GNE: variants seen among roughly 807,000 people sequenced by gnomAD.
GNE encodes bifunctional UDP-N-acetylglucosamine 2-epimerase/N-acetylmannosamine kinase.
A neutral mutation model predicts 61.8 loss-of-function variants in GNE; 41 were observed. The ratio of observed to expected loss-of-function variants is 0.66; its 90% CI spans 0.52 to 0.86. The LOEUF is 0.86. GNE is among the 40% of genes least tolerant of loss of function. The probability of loss-of-function intolerance (pLI) is 0.00; values close to 1 mark genes in which losing one functional copy is unlikely to be tolerated. For synonymous variants in GNE, 264 were observed against 326.4 expected (o/e 0.81, Z 2.06); for missense variants, 608 against 909.1 (o/e 0.67, Z 4.26).
chr9:36,243,773 A>G (rs1223786966), intron 3 of GNE, among the ~76,000 whole-genome samples: 1 of 152,116 alleles, frequency 6.6e-6, no homozygotes, highest in African/African-American at 2.4e-5. Flanking sequence ...TGAGCCCAGG[A>G]GGACAAGACT....
At chr9:36,252,255 G>A (rs756085018) in intron 1 of GNE, among the ~76,000 whole-genome samples, 3 of 152,124 alleles carry the variant, frequency 2.0e-5, no homozygotes, top group Non-Finnish European at 2.9e-5. Context: ...AAAGTGCTGG[G>A]ATTACAGGCA....
chr9:36,245,962 G>A (rs1587338779), intron 3 of GNE, 69 bp downstream of exon 3: 1 of 1,237,716 alleles, frequency 8.1e-7, no homozygotes, highest in East Asian at 2.3e-5. Context: ...GTTTCCAAAA[G>A]GATTGAAATA....
rs752336499 is a variant in GNE, at chr9:36,221,424, C to T, written c.1633+1353G>A. ...TATCTGTATCAGATGCTGGCTTAAC[C>T]GCTTATTAGCTAAGTCTGTTTCCTC... is the stretch of plus-strand genomic sequence containing the variant. On this transcript the variant is annotated intron_variant, in intron 9 of 11. Transcript: ENST00000642385. 8.5e-5 allele frequency among the ~76,000 whole-genome samples: 13 copies of T among 152,082 alleles called. 1 individual carries two copies. The highest frequency in any genetic ancestry group is 1.7e-4 in the African/African-American group (7 of 41,386).
chr9:36,260,701 C>T (rs544656983), upstream of GNE, among the ~76,000 whole-genome samples: 136 of 151,840 alleles, frequency 9.0e-4, no homozygotes, highest in African/African-American at 3.0e-3. Context: ...AACCCCATCT[C>T]TACTAAAAAT....
In GNE at chr9:36,273,178, C is replaced by T. The variant is rs74466937; in HGVS notation, c.51+3716G>A. On this transcript the variant is annotated intron_variant, in intron 1 of 11. Transcript: ENST00000396594. ...GATTGAGGATCTGGAGGAAGATATA[C>T]ATTGGAGACACAAATTTGTGCTAGA... is the stretch of plus-strand genomic sequence containing the variant. Among the ~76,000 whole-genome samples the T allele has an allele frequency of 1.6e-4, 24 of 151,646 alleles. No individual in the cohort carries two copies. The East Asian group carries it at 3.7e-3, about 23-fold the overall frequency.
chr9:36,217,620 A>C lies in GNE; in HGVS notation c.1934-20T>G, dbSNP rs1190691056. 3 of 1,524,438 alleles carry C rather than the reference A, an allele frequency of 2.0e-6. No individual in the cohort carries two copies. Among genetic ancestry groups the C allele is most frequent in the Non-Finnish European group, 2.7e-6 (3 of 1,099,726 alleles). 94.4% of individuals were successfully genotyped at this position (1,524,438 alleles called of 1,614,324 possible). ...TTCCAGCTATAGGGAGACAAAAATT[A>C]AAATGAGTTTCTGAGAGAAGCCAAA... On this transcript the variant is annotated intron_variant, in intron 11 of 11. Transcript: ENST00000642385.
intron 5 of GNE, 28 bp downstream of exon 5, chr9:36,233,890 GTC>G (rs1171873212): frequency 6.6e-7 from 1 of 1,506,230 alleles, no homozygotes; most frequent in Non-Finnish European, 9.2e-7. Context: ...ATAAAGCCTA[GTC>G]AGTTGAAGTA....
upstream of GNE, chr9:36,263,327 C>T (rs549162077): frequency 3.5e-5 from 8 of 226,588 alleles, no homozygotes; most frequent in East Asian, 1.6e-4. Context: ...TGTGTCACCG[C>T]GCCCGGCTAA....
At position 36,218,334 on chromosome 9, in the gene GNE, G is replaced by T; in HGVS notation, c.1817-35C>A. On this transcript the variant is annotated intron_variant, in intron 10 of 11. Coordinates refer to ENST00000642385, the MANE Select transcript of GNE (RefSeq NM_005476.7). The surrounding 1 kb of genome is among the most constrained non-coding windows in gnomAD (Gnocchi z 4.1). ...GTGAGAAGGAAAAGCAGTCACTAAT[G>T]AGCTGTGGGGAGGCCAAGCTCACCA... The T allele has an allele frequency of 6.8e-7, 1 of 1,471,036 alleles. No homozygotes were observed. Among genetic ancestry groups the T allele is most frequent in the South Asian group, 1.1e-5 (1 of 88,276 alleles). The allele number at this position is 1,471,036 out of a possible 1,614,324, so 91.1% of individuals were successfully genotyped here. A position where few individuals can be genotyped will look rare whatever the true frequency, so the allele number is the denominator to read the frequency against.
intron 3 of GNE, among the ~76,000 whole-genome samples, chr9:36,239,802 A>C (rs1829559868): frequency 6.6e-6 from 1 of 151,932 alleles, no homozygotes; most frequent in Non-Finnish European, 1.5e-5. Flanking sequence ...GTTTTGTAAT[A>C]TCCCTTGTAG....
intron 3 of GNE, among the ~76,000 whole-genome samples, chr9:36,239,558 C>T (rs778954876): frequency 1.1e-4 from 16 of 151,802 alleles, no homozygotes; most frequent in East Asian, 3.9e-4. Flanking sequence ...CTGCAACTTC[C>T]GCCTCCCAGG....
At chr9:36,219,716 T>C in intron 10 of GNE, 122 bp downstream of exon 10, 4 of 891,892 alleles carry the variant, frequency 4.5e-6, no homozygotes, top group Non-Finnish European at 7.3e-6. Flanking sequence ...AGCCCTGCTC[T>C]TTCCCTAAGA....
At position 36,219,988 on chromosome 9, in the gene GNE, A is replaced by G. The variant is rs765440649; in HGVS notation, c.1666T>C (p.Leu556=). The G allele has an allele frequency of 1.2e-5, 20 of 1,614,022 alleles. No individual in the cohort carries two copies. The East Asian group carries it at 3.3e-4, about 27-fold the overall frequency. Residue 556 remains leucine, a synonymous_variant, in exon 10 of 12, where the codon TTG becomes CTG. Transcript: ENST00000642385. ...GCACAGAAGGAGCTTCCGTGGATCA[A>G]TTCATGCTGATGGATAATTCCACCA... ...IGGGIIHQHE[L]IHGSSFCAAE...
At chr9:36,265,844 C>T (rs913774500) in intron 1 of GNE, among the ~76,000 whole-genome samples, 7 of 152,198 alleles carry the variant, frequency 4.6e-5, no homozygotes, top group African/African-American at 1.7e-4. Context: ...CTGATGCCAC[C>T]ACTGTTCTGA....
chr9:36,265,348 C>T (rs1284387025), intron 1 of GNE: 1 of 450,010 alleles, frequency 2.2e-6, no homozygotes, highest in Non-Finnish European at 4.5e-6. Flanking sequence ...TGGAAGCAAC[C>T]CGCCACCATG....
chr9:36,252,377 T>C (rs1229595422), intron 1 of GNE, among the ~76,000 whole-genome samples: 1 of 152,198 alleles, frequency 6.6e-6, no homozygotes, highest in African/African-American at 2.4e-5. Flanking sequence ...GTGATCAAAT[T>C]TGAGCTGAAA....
In GNE at chr9:36,269,664, C is replaced by CTTTTTTT. The variant is rs71336438; in HGVS notation, c.51+7223_51+7229dup. 8.2e-5 allele frequency among the ~76,000 whole-genome samples: 11 copies of CTTTTTTT among 134,320 alleles called. 1 individual carries two copies. The highest frequency in any genetic ancestry group is 8.1e-5 in the Admixed American group (1 of 12,316). The allele number at this position is 134,320 out of a possible 152,430, so 88.1% of individuals were successfully genotyped here. On this transcript the variant is annotated intron_variant, in intron 1 of 11. Coordinates refer to the GNE transcript ENST00000396594. ...TGTTGTTGGGTTTTCTTTCTTCTTT[C>CTTTTTTT]TTTTTTTTTTTTTTTGAGACGGAGT...
upstream of GNE, among the ~76,000 whole-genome samples, chr9:36,262,573 CA>C (rs1374936054): frequency 6.6e-6 from 1 of 152,140 alleles, no homozygotes; most frequent in Non-Finnish European, 1.5e-5. Context: ...GAGAACTCTA[CA>C]AGTTGCAAAA....
upstream of GNE, among the ~76,000 whole-genome samples, chr9:36,260,080 T>G (rs1830554353): frequency 6.6e-6 from 1 of 151,874 alleles, no homozygotes; most frequent in African/African-American, 2.4e-5. Context: ...TGAGACTTAA[T>G]TATAGGTTAG....
Sources: gnomAD v4.1 joint callset for allele counts (sites outside exome capture counted in the v4.1 genomes callset) on GRCh38, gnomAD v4.1.1 for gene constraint, Gnocchi (gnomAD v3.1) non-coding constraint, MANE v1.5 for transcripts, NCBI Gene and HGNC (gene_info 2026-07-23, HGNC 2026-07-21) for gene names.